DLGAP1: variants seen among roughly 807,000 people sequenced by gnomAD.
DLGAP1 encodes DLG associated protein 1, also known as disks large-associated protein 1.
A neutral mutation model predicts 90.8 loss-of-function variants in DLGAP1; 11 were observed. That is an observed-to-expected ratio of 0.12 (90% CI 0.08 to 0.20). The LOEUF (loss-of-function observed/expected upper bound fraction) is 0.20. DLGAP1 is among the 10% of genes least tolerant of loss of function. The pLI is 1.00. For missense variants in DLGAP1, 1,050 were observed against 1,333.8 expected (o/e 0.79, Z 3.31); for synonymous variants, 558 against 540.7 (o/e 1.03, Z -0.44).
Position 3,965,873 on chromosome 18 carries a change from G to A in DLGAP1, c.-73+39243C>T, listed in dbSNP as rs576348369. On this transcript the variant is annotated intron_variant, in intron 3 of 12. Transcript: ENST00000315677. ...TGAGGCAGGAGAATTGCTTGAACCC[G>A]GGAGGCGGAGGTTGCCGTGAGCCGA... 2.9e-4 allele frequency among the ~76,000 whole-genome samples: 44 copies of A among 150,820 alleles called. 1 individual carries two copies. Among genetic ancestry groups the A allele is most frequent in the Admixed American group, 1.5e-3 (23 of 15,066 alleles).
intron 4 of DLGAP1, among the ~76,000 whole-genome samples, chr18:3,829,773 T>C (rs762078684): frequency 1.8e-4 from 28 of 152,110 alleles, no homozygotes; most frequent in Non-Finnish European, 3.4e-4. Flanking sequence ...GTCTACTGAT[T>C]ATAGATTTTA....
intron 7 of DLGAP1, among the ~76,000 whole-genome samples, chr18:3,665,596 C>T (rs2059850659): frequency 6.6e-6 from 1 of 152,164 alleles, no homozygotes; most frequent in Non-Finnish European, 1.5e-5. Context: ...TGTTTTACCT[C>T]GTTATATTTC....
At chr18:4,173,302 A>T (rs1035798716) in intron 1 of DLGAP1, among the ~76,000 whole-genome samples, 46 of 152,220 alleles carry the variant, frequency 3.0e-4, no homozygotes, top group African/African-American at 1.1e-3. Context: ...AGATATATAG[A>T]CTTTCTTTAC....
At chr18:4,264,361 G>A (rs1201222190) in intron 1 of DLGAP1, among the ~76,000 whole-genome samples, 1 of 152,124 alleles carries the variant, frequency 6.6e-6, no homozygotes. Flanking sequence ...ATCCACATCC[G>A]GTCAGAGGAA....
intron 1 of DLGAP1, among the ~76,000 whole-genome samples, chr18:4,306,926 T>C (rs949916982): frequency 6.7e-6 from 1 of 150,072 alleles, no homozygotes; most frequent in Non-Finnish European, 1.5e-5. Flanking sequence ...AGAGAATCAA[T>C]GAGCTTTTGT....
chr18:3,720,787 T>C (rs759153261), intron 7 of DLGAP1, among the ~76,000 whole-genome samples: 6 of 150,070 alleles, frequency 4.0e-5, no homozygotes, highest in Non-Finnish European at 7.4e-5. Context: ...CACAGTGGCT[T>C]ATACCTATAA....
intron 11 of DLGAP1, among the ~76,000 whole-genome samples, chr18:3,507,312 C>G (rs574181128): frequency 1.1e-4 from 13 of 118,686 alleles, no homozygotes; most frequent in African/African-American, 3.7e-4. Flanking sequence ...CATGAAAACC[C>G]GTCTCTACTA....
intron 11 of DLGAP1, among the ~76,000 whole-genome samples, chr18:3,506,428 T>G (rs1174036878): frequency 7.0e-6 from 1 of 143,262 alleles, no homozygotes; most frequent in Non-Finnish European, 1.5e-5. Flanking sequence ...CAGGAGAACC[T>G]CTTGAACCCA....
chr18:4,247,550 C>A (rs367595796), intron 1 of DLGAP1, among the ~76,000 whole-genome samples: 1 of 152,176 alleles, frequency 6.6e-6, no homozygotes, highest in African/African-American at 2.4e-5. Flanking sequence ...CCGAGCCGAG[C>A]GGATCACCTG....
chr18:3,620,545 TTTATTATTA>T (rs4065327), intron 7 of DLGAP1, among the ~76,000 whole-genome samples: 3 of 149,836 alleles, frequency 2.0e-5, no homozygotes, highest in Admixed American at 6.7e-5. Flanking sequence ...GCTATCACAT[TTTATTATTA>T]TTATTATTAT....
At chr18:3,898,002 G>A (rs1041149230) in intron 3 of DLGAP1, among the ~76,000 whole-genome samples, 14 of 152,014 alleles carry the variant, frequency 9.2e-5, no homozygotes, top group South Asian at 4.2e-4. Flanking sequence ...CACCTTGTTA[G>A]CCAGGATGGT....
At chr18:4,266,475 G>A (rs1245209684) in intron 1 of DLGAP1, among the ~76,000 whole-genome samples, 1 of 152,210 alleles carries the variant, frequency 6.6e-6, no homozygotes, top group African/African-American at 2.4e-5. Context: ...TCAACGGGGA[G>A]CACAGAGCAT....
intron 1 of DLGAP1, among the ~76,000 whole-genome samples, chr18:4,200,848 T>A (rs1483804468): frequency 1.3e-5 from 2 of 152,124 alleles, no homozygotes; most frequent in Non-Finnish European, 2.9e-5. Context: ...TGATGTTACA[T>A]CTTGTAAACT....
chr18:3,678,642 C>A (rs2035381721), intron 7 of DLGAP1, among the ~76,000 whole-genome samples: 1 of 152,082 alleles, frequency 6.6e-6, no homozygotes, highest in South Asian at 2.1e-4. Context: ...GAACAAGGAT[C>A]AGAAAGCAAA....
At chr18:3,719,797 T>A (rs928925354) in intron 7 of DLGAP1, among the ~76,000 whole-genome samples, 17 of 152,298 alleles carry the variant, frequency 1.1e-4, no homozygotes, top group African/African-American at 3.1e-4. Flanking sequence ...AACATCAAAG[T>A]ATCATTGTGA....
chr18:3,628,603 C>A (rs779924942), intron 7 of DLGAP1, among the ~76,000 whole-genome samples: 6 of 152,188 alleles, frequency 3.9e-5, no homozygotes, highest in Admixed American at 3.9e-4. Flanking sequence ...CTGTTACAAA[C>A]CCCTCCTATC....
intron 1 of DLGAP1, among the ~76,000 whole-genome samples, chr18:4,387,402 T>C (rs2082251865): frequency 6.6e-6 from 1 of 152,238 alleles, no homozygotes. Context: ...AGACGATGAT[T>C]TTAAAATGTT....
At chr18:3,838,397 T>C (rs909990798) in intron 4 of DLGAP1, among the ~76,000 whole-genome samples, 1 of 152,222 alleles carries the variant, frequency 6.6e-6, no homozygotes, top group Non-Finnish European at 1.5e-5. Flanking sequence ...TAACTGGGCA[T>C]GGTTGCTACA....
chr18:3,804,655 C>G (rs954270618), intron 5 of DLGAP1, among the ~76,000 whole-genome samples: 3 of 152,130 alleles, frequency 2.0e-5, no homozygotes, highest in Non-Finnish European at 4.4e-5. Flanking sequence ...GGATGCTGGG[C>G]AGATGTTAGA....
Sources: allele counts gnomAD v4.1 joint callset (sites outside exome capture counted in the v4.1 genomes callset), GRCh38; gene constraint gnomAD v4.1.1; transcripts MANE v1.5; gene names NCBI Gene and HGNC (gene_info 2026-07-23, HGNC 2026-07-21).